The following PCDHA1 variants were observed in gnomAD, a reference collection of about 807,000 sequenced individuals.
PCDHA1 encodes the protein protocadherin alpha 1, also known as protocadherin alpha-1.
Under a neutral mutation model 61.3 loss-of-function variants are expected in PCDHA1, and 42 were observed. The observed-to-expected ratio is 0.69, with a 90% confidence interval of 0.54 to 0.89. The LOEUF is 0.89. PCDHA1 is among the 40% of genes least tolerant of loss of function. The probability of loss-of-function intolerance (pLI) is 0.00; values close to 1 mark genes in which losing one functional copy is unlikely to be tolerated. For missense variants in PCDHA1, 1,256 were observed against 1,235.3 expected (o/e 1.02, Z -0.25); for synonymous variants, 610 against 553.8 (o/e 1.10, Z -1.43).
chr5:140,808,849 C>T (rs1466970963), intron 1 of PCDHA1: 5 of 1,613,084 alleles, frequency 3.1e-6, no homozygotes, highest in Non-Finnish European at 4.2e-6. Flanking sequence ...TGCAGGTGTT[C>T]GTGCTGGACG....
intron 1 of PCDHA1, among the ~76,000 whole-genome samples, chr5:140,820,611 C>T (rs1018838702): frequency 1.3e-5 from 2 of 151,858 alleles, no homozygotes; most frequent in African/African-American, 4.8e-5. Context: ...AGGTCGTGTT[C>T]AAATCATACC....
At chr5:140,927,526 G>T in intron 1 of PCDHA1, 3 of 1,614,086 alleles carry the variant, frequency 1.9e-6, no homozygotes, top group Non-Finnish European at 2.5e-6. Flanking sequence ...CGGGCTACCT[G>T]CCCGCTCAGG....
intron 3 of PCDHA1, among the ~76,000 whole-genome samples, chr5:141,003,809 G>C (rs1554259330): frequency 6.6e-6 from 1 of 152,290 alleles, no homozygotes; most frequent in African/African-American, 2.4e-5. Flanking sequence ...GTAATCTGTA[G>C]TCTGGGAAGG....
At chr5:140,928,406 G>A (rs782285182) in intron 1 of PCDHA1, 1 of 1,614,050 alleles carries the variant, frequency 6.2e-7, no homozygotes, top group South Asian at 1.1e-5. Flanking sequence ...TCATCCAGTG[G>A]GGCCATCACT....
chr5:140,941,111 G>T (rs1477407055), intron 1 of PCDHA1, among the ~76,000 whole-genome samples: 2 of 152,090 alleles, frequency 1.3e-5, no homozygotes, highest in Non-Finnish European at 2.9e-5. Context: ...TTACTGGAAA[G>T]ATTAGTCCTT....
intron 1 of PCDHA1, among the ~76,000 whole-genome samples, chr5:140,925,538 C>T (rs1387501905): frequency 6.6e-6 from 1 of 151,860 alleles, no homozygotes; most frequent in Non-Finnish European, 1.5e-5. Flanking sequence ...AGGAGAAATA[C>T]CTAATGTAAA....
At chr5:140,849,659 C>T in intron 1 of PCDHA1, 4 of 1,598,722 alleles carry the variant, frequency 2.5e-6, no homozygotes, top group Non-Finnish European at 3.4e-6. Flanking sequence ...TTACCTGCTC[C>T]CTGACGCCCC....
At position 141,009,800 on chromosome 5, in the gene PCDHA1, A is replaced by G. The variant is rs148436868; in HGVS notation, c.2716A>G (p.Ser906Gly). The stretch of plus-strand genomic sequence containing the variant: ...CTCCATCCGGCAGGAGCCTACTAAC[A>G]GCCAAATTGACAAAAGTGACTTCAT... ...IISIRQEPTN[S>G]QIDKSDFITF... The change falls in exon 4 of 4, where the codon AGC (serine) becomes GGC (glycine). Residue 906 changes from serine to glycine, a missense_variant. By Grantham distance (56) the Ser-to-Gly change is moderately conservative (BLOSUM62 0). Coordinates refer to ENST00000504120, the MANE Select transcript of PCDHA1 (RefSeq NM_018900.4). 1.2e-4 allele frequency: 190 copies of G among 1,614,158 alleles called. No individual in the cohort carries two copies. In the African/African-American group the frequency reaches 2.3e-3, roughly 19 times the overall value.
intron 1 of PCDHA1, among the ~76,000 whole-genome samples, chr5:140,916,213 T>A (rs2077480691): frequency 6.6e-6 from 1 of 152,134 alleles, no homozygotes; most frequent in Non-Finnish European, 1.5e-5. Context: ...CTGGGGAAGA[T>A]CCAAATATGC....
intron 1 of PCDHA1, chr5:140,927,125 G>C (rs782734791): frequency 6.2e-7 from 1 of 1,614,076 alleles, no homozygotes; most frequent in Admixed American, 1.7e-5. Flanking sequence ...TTGGTGGTCA[G>C]AGAGCCGGCG....
intron 1 of PCDHA1, chr5:140,850,766 G>T: frequency 6.3e-7 from 1 of 1,598,074 alleles, no homozygotes; most frequent in Non-Finnish European, 8.6e-7. Context: ...GGAGGCAGAG[G>T]GTGTGCTCTG....
chr5:141,000,399 A>C (rs77386673), intron 3 of PCDHA1, among the ~76,000 whole-genome samples: 2,158 of 66,344 alleles, frequency 0.033, 38 homozygotes, highest in Non-Finnish European at 0.044. Context: ...CTCTCTCTAT[A>C]TATATATATA....
At chr5:140,882,333 C>A in intron 1 of PCDHA1, 1 of 1,614,220 alleles carries the variant, frequency 6.2e-7, no homozygotes, top group Non-Finnish European at 8.5e-7. Context: ...CTGATCCTCG[C>A]AGCCTGGGAG....
intron 1 of PCDHA1, among the ~76,000 whole-genome samples, chr5:140,917,068 G>A (rs2077864221): frequency 6.6e-6 from 1 of 152,066 alleles, no homozygotes; most frequent in African/African-American, 2.4e-5. Flanking sequence ...CGACAGCACC[G>A]AGTTTAATGT....
At chr5:140,807,899 A>T (rs1391356364) in intron 1 of PCDHA1, 1 of 1,614,010 alleles carries the variant, frequency 6.2e-7, no homozygotes, top group Non-Finnish European at 8.5e-7. Context: ...TGCCAATGAC[A>T]ATGCCCCAGC....
In PCDHA1 at chr5:140,852,911, C is replaced by T. The variant is rs2150524968; in HGVS notation, c.2394+64227C>T. The T allele has an allele frequency of 1.1e-4, 89 of 791,740 alleles. 5 individuals are homozygous for T. The highest frequency in any genetic ancestry group is 1.3e-4 in the Non-Finnish European group (82 of 639,880). The allele number at this position is 791,740 out of a possible 1,614,324, so 49.0% of individuals were successfully genotyped here. On this transcript the variant is annotated intron_variant, in intron 1 of 3. Coordinates refer to ENST00000504120, the MANE Select transcript of PCDHA1 (RefSeq NM_018900.4). Reference sequence around the variant, plus strand: ...TTTTTTTTTTTGAGTCAGAGTCTCGCTCTGTTGCCCAGGCTGGAGTGCAGT... The same window carrying T: ...TTTTTTTTTTTGAGTCAGAGTCTCGTTCTGTTGCCCAGGCTGGAGTGCAGT...
At position 140,835,704 on chromosome 5, in the gene PCDHA1, G is replaced by T. The variant is rs2150242538; in HGVS notation, c.2394+47020G>T. 4 of 1,613,774 alleles carry T rather than the reference G, an allele frequency of 2.5e-6. No homozygotes were observed. The Admixed American group carries it at 6.7e-5, about 27-fold the overall frequency. Reference sequence around the variant, plus strand: ...GCCTTCTCTGTGGGCCACTGCTAGCGTGTCCGTGGAGGTGGCCGACGTGAA... The same window carrying T: ...GCCTTCTCTGTGGGCCACTGCTAGCTTGTCCGTGGAGGTGGCCGACGTGAA... On this transcript the variant is annotated intron_variant, in intron 1 of 3. Coordinates refer to ENST00000504120, the MANE Select transcript of PCDHA1 (RefSeq NM_018900.4).
intron 1 of PCDHA1, among the ~76,000 whole-genome samples, chr5:140,964,205 T>C (rs1483183685): frequency 6.6e-6 from 1 of 152,212 alleles, no homozygotes; most frequent in Admixed American, 6.5e-5. Context: ...TACCATCTCT[T>C]TAGTACAATG....
At position 140,788,527 on chromosome 5, in the gene PCDHA1, G is replaced by T. The variant is rs377323471; in HGVS notation, c.2237G>T (p.Gly746Val). 1.2e-4 allele frequency: 196 copies of T among 1,613,988 alleles called. 1 individual carries two copies. Among genetic ancestry groups the T allele is most frequent in the Non-Finnish European group, 1.4e-4 (170 of 1,179,966 alleles). The change falls in exon 1 of 4, where the codon GGG becomes GTG. Residue 746 changes from glycine to valine, a missense_variant. By Grantham distance (109) the Gly-to-Val change is moderately radical (BLOSUM62 -3). Coordinates refer to ENST00000504120, the MANE Select transcript of PCDHA1 (RefSeq NM_018900.4). ...ACTCTGGTGTGCTCCAGCGCGTTGG[G>T]GAGCTGGTCGAACTCACAGCAGAGG... ...KPTLVCSSAL[G>V]SWSNSQQRRQ...
Sources: allele counts gnomAD v4.1 joint callset (sites outside exome capture counted in the v4.1 genomes callset), GRCh38; gene constraint gnomAD v4.1.1; transcripts MANE v1.5; gene names NCBI Gene and HGNC (gene_info 2026-07-23, HGNC 2026-07-21).